Variants in FRMPD2 observed in about 807,000 individuals in gnomAD.
FRMPD2 encodes FERM and PDZ domain containing 2, also known as FERM and PDZ domain-containing protein 2.
Under a neutral mutation model 140.1 loss-of-function variants are expected in FRMPD2, and 96 were observed. The observed-to-expected ratio is 0.69, with a 90% CI of 0.58 to 0.81. The LOEUF (loss-of-function observed/expected upper bound fraction) is 0.81, where lower values mean the gene tolerates loss of function less well. FRMPD2 is among the 40% of genes least tolerant of loss of function. FRMPD2 has a pLI of 0.00. For synonymous variants in FRMPD2, 449 were observed against 547.6 expected, an observed-to-expected ratio of 0.82 and a Z score of 2.52; for missense variants, 1,240 against 1,447.4, an observed-to-expected ratio of 0.86 and a Z score of 2.32.
chr10:48,206,715 G>A (rs748202100), intron 14 of FRMPD2, 33 bp downstream of exon 14: 1 of 1,576,150 alleles, frequency 6.3e-7, no homozygotes, highest in Non-Finnish European at 8.7e-7. Context: ...GGAAAATGAA[G>A]TGCAGGTTAT....
At chr10:48,254,616 A>G (rs906464010) in intron 1 of FRMPD2, among the ~76,000 whole-genome samples, 4 of 152,240 alleles carry the variant, frequency 2.6e-5, no homozygotes, top group African/African-American at 7.2e-5. Flanking sequence ...TACTTCCTTG[A>G]ACGACAATAC....
intron 14 of FRMPD2, among the ~76,000 whole-genome samples, chr10:48,203,721 G>T (rs1392771875): frequency 6.6e-6 from 1 of 152,116 alleles, no homozygotes; most frequent in Non-Finnish European, 1.5e-5. Context: ...GACTTGTCAT[G>T]AAACTAATGA....
At chr10:48,161,410 A>T (rs1837938437) in intron 28 of FRMPD2, among the ~76,000 whole-genome samples, 2 of 151,640 alleles carry the variant, frequency 1.3e-5, no homozygotes, top group Non-Finnish European at 2.9e-5. Context: ...AAATGCTAAC[A>T]GATAGGCAGA....
intron 10 of FRMPD2, among the ~76,000 whole-genome samples, chr10:48,227,830 A>G (rs919568930): frequency 6.6e-6 from 1 of 152,184 alleles, no homozygotes; most frequent in Non-Finnish European, 1.5e-5. Context: ...TTTTGAGTTC[A>G]GGTGATCTGG....
intron 10 of FRMPD2, among the ~76,000 whole-genome samples, chr10:48,225,633 C>A (rs754285298): frequency 4.6e-5 from 7 of 152,236 alleles, no homozygotes; most frequent in Non-Finnish European, 8.8e-5. Flanking sequence ...ATTGCAATCT[C>A]CTGCTAATTC....
At chr10:48,192,571 C>G in intron 16 of FRMPD2, 113 bp downstream of exon 16, 2 of 977,892 alleles carry the variant, frequency 2.0e-6, no homozygotes, top group Non-Finnish European at 3.0e-6. Context: ...GCCTGGGCAA[C>G]AAGAGCAAAA....
intron 1 of FRMPD2, among the ~76,000 whole-genome samples, chr10:48,271,887 T>C (rs1270804011): frequency 6.6e-6 from 1 of 152,230 alleles, no homozygotes; most frequent in African/African-American, 2.4e-5. Flanking sequence ...CTTTACTCGT[T>C]TATACCATGA....
intron 21 of FRMPD2, among the ~76,000 whole-genome samples, chr10:48,180,245 G>A (rs2132420476): frequency 6.6e-6 from 1 of 152,340 alleles, no homozygotes; most frequent in Middle Eastern, 3.4e-3. Context: ...GAGCAGAATG[G>A]AGAGGCTGGG....
intron 1 of FRMPD2, among the ~76,000 whole-genome samples, chr10:48,264,103 ACT>A (rs1398000690): frequency 6.6e-6 from 1 of 151,650 alleles, no homozygotes; most frequent in African/African-American, 2.4e-5. Context: ...ATGATTAAAA[ACT>A]CTCTGTTAAC....
At chr10:48,243,048 G>A (rs1010834978) in intron 4 of FRMPD2, among the ~76,000 whole-genome samples, 2 of 152,170 alleles carry the variant, frequency 1.3e-5, no homozygotes, top group Non-Finnish European at 2.9e-5. Flanking sequence ...CTGCACTACC[G>A]CTTCTTGCTG....
chr10:48,188,546 T>G (rs1465811498), intron 16 of FRMPD2, among the ~76,000 whole-genome samples: 1 of 152,208 alleles, frequency 6.6e-6, no homozygotes, highest in Non-Finnish European at 1.5e-5. Flanking sequence ...GCATGGGCCC[T>G]GTCCTCTGAG....
At chr10:48,226,607 A>C (rs745792069) in intron 10 of FRMPD2, among the ~76,000 whole-genome samples, 1 of 152,220 alleles carries the variant, frequency 6.6e-6, no homozygotes, top group South Asian at 2.1e-4. Flanking sequence ...TTCCCATGTG[A>C]TAGTCATCCT....
chr10:48,215,758 C>T (rs1839431939), intron 12 of FRMPD2, among the ~76,000 whole-genome samples: 1 of 152,098 alleles, frequency 6.6e-6, no homozygotes, highest in Admixed American at 6.5e-5. Context: ...GACACTAAGC[C>T]AGAAGCAGGG....
intron 1 of FRMPD2, among the ~76,000 whole-genome samples, chr10:48,261,843 C>G (rs770252156): frequency 3.3e-5 from 5 of 152,042 alleles, no homozygotes; most frequent in Non-Finnish European, 7.4e-5. Flanking sequence ...AAGGGAGAAA[C>G]GGGTATTACT....
intron 16 of FRMPD2, among the ~76,000 whole-genome samples, chr10:48,188,724 A>G (rs959496593): frequency 1.3e-5 from 2 of 152,182 alleles, no homozygotes; most frequent in African/African-American, 4.8e-5. Flanking sequence ...GGTGGCCTTC[A>G]GGTGGCCTTT....
Position 48,192,772 on chromosome 10 carries a change from C to G in FRMPD2, c.2077G>C (p.Gly693Arg). The G allele has an allele frequency of 6.2e-7, 1 of 1,614,088 alleles. No homozygotes were observed. The highest frequency in any genetic ancestry group is 8.5e-7 in the Non-Finnish European group (1 of 1,180,006). The change falls in exon 16 of 29, where the codon GGT becomes CGT. Residue 693 changes from glycine (G) to arginine (R), a missense_variant. Gly to Arg is a moderately radical substitution (Grantham distance 125). This residue lies in a region of FRMPD2 where 1,161 missense variants were observed against 1,055.9 expected (regional missense o/e 1.10). Coordinates refer to ENST00000374201, the MANE Select transcript of FRMPD2 (RefSeq NM_001018071.4). ...ENELFVSRLQ[G>R]AAGGLLSTSM... ...GTACTCAGCAGGCCTCCTGCAGCACCCTGAAGCCTGGATACAAACAACTCG... is the reference window on the plus strand; with the variant it reads ...GTACTCAGCAGGCCTCCTGCAGCACGCTGAAGCCTGGATACAAACAACTCG...
chr10:48,178,314 T>A (rs1488569848), intron 21 of FRMPD2, among the ~76,000 whole-genome samples, 163 bp from the exon 22 acceptor site: 26 of 152,286 alleles, frequency 1.7e-4, no homozygotes, highest in Non-Finnish European at 2.8e-4. Context: ...GCCTTCTGCA[T>A]GTGACCTCAG....
chr10:48,184,720 A>G (rs369012668), intron 19 of FRMPD2, 38 bp from the exon 20 acceptor site: 5 of 1,594,054 alleles, frequency 3.1e-6, no homozygotes, highest in African/African-American at 1.3e-5. Context: ...CTTCAAGGAA[A>G]TAAAAAAGAG....
At position 48,223,086 on chromosome 10, in the gene FRMPD2, C is replaced by A. The variant is rs776999554; in HGVS notation, c.1316+37G>T. 2.7e-5 allele frequency: 42 copies of A among 1,580,962 alleles called. 1 individual carries two copies. The South Asian group carries it at 4.1e-4, about 15-fold the overall frequency. ...TCCGTCAGCCTGGACATACATAAAT[C>A]CCTTAAGGAACAAATGAACAGGTTT... On this transcript the variant is annotated intron_variant, in intron 11 of 28. Transcript: ENST00000374201.
Sources: allele counts gnomAD v4.1 joint callset (sites outside exome capture counted in the v4.1 genomes callset), GRCh38; gene constraint gnomAD v4.1.1; regional missense constraint gnomAD v4.1.1; transcripts MANE v1.5; gene names NCBI Gene and HGNC (gene_info 2026-07-23, HGNC 2026-07-21).